Variants in HNRNPA3 observed in about 807,000 individuals in gnomAD.
HNRNPA3 encodes the protein heterogeneous nuclear ribonucleoprotein A3.
Under a neutral mutation model 45.8 loss-of-function variants are expected in HNRNPA3, and 3 were observed. The observed-to-expected ratio is 0.07, with a 90% confidence interval of 0.03 to 0.17. The LOEUF (loss-of-function observed/expected upper bound fraction) is 0.17, where lower values mean the gene tolerates loss of function less well. Among genes scored for constraint, HNRNPA3 ranks in the 10% least tolerant of loss-of-function variants. The pLI is 1.00. For synonymous variants in HNRNPA3, 170 were observed against 155.6 expected (o/e 1.09, Z -0.69); for missense variants, 183 against 480.3 (o/e 0.38, Z 5.79).
rs139655151 is a variant in HNRNPA3 at position 177,215,486 on chromosome 2, A to C, written c.73-53A>C. On this transcript the variant is annotated intron_variant, in intron 1 of 10. Coordinates refer to ENST00000392524, the Ensembl canonical transcript of HNRNPA3. ...ACCGTACATTAAAGGCTCTTCGTGCATCTTAATTCATCTACTGTAAGGTAA... is the reference window on the plus strand; with the variant it reads ...ACCGTACATTAAAGGCTCTTCGTGCCTCTTAATTCATCTACTGTAAGGTAA... The C allele has an allele frequency of 4.6e-4, 723 of 1,570,388 alleles. 5 individuals carry two copies. The African/African-American group carries it at 7.6e-3, about 17-fold the overall frequency.
intron 7 of HNRNPA3, 44 bp from the exon 8 acceptor site, chr2:177,217,660 TA>T (rs753110495): frequency 6.2e-7 from 1 of 1,609,904 alleles, no homozygotes; most frequent in Non-Finnish European, 8.5e-7. Flanking sequence ...AACGTGACTA[TA>T]CACTTAAGTT....
chr2:177,214,631 T>TA (rs902621708), intron 1 of HNRNPA3, among the ~76,000 whole-genome samples: 4 of 152,110 alleles, frequency 2.6e-5, no homozygotes, highest in Non-Finnish European at 5.9e-5. Context: ...CCGTCTCTAC[T>TA]AAAAATACAA....
exon 10 of HNRNPA3, chr2:177,219,313 G>T (rs1689090345): frequency 2.5e-6 from 4 of 1,605,764 alleles, no homozygotes; most frequent in Non-Finnish European, 3.4e-6. Flanking sequence ...CAGCAGAAAA[G>T]GGTAGGTATC....
exon 9 of HNRNPA3, chr2:177,219,116 A>G (rs770757997): frequency 2.0e-5 from 32 of 1,614,038 alleles, no homozygotes; most frequent in Non-Finnish European, 2.6e-5. Context: ...GACCCATGAA[A>G]GGGGGCAGTT....
At chr2:177,223,432 C>T (rs557750020), downstream of HNRNPA3, 14 of 152,010 alleles carry the variant, frequency 9.2e-5, no homozygotes, top group African/African-American at 3.4e-4. Flanking sequence ...GTGATTGGGG[C>T]AGATTTAACT....
downstream of HNRNPA3, chr2:177,222,023 T>G (rs909653843): frequency 2.6e-5 from 4 of 152,660 alleles, no homozygotes; most frequent in African/African-American, 9.6e-5. Context: ...AGTAATTTTT[T>G]GTAAAGCAAG....
chr2:177,212,898 T>G, intron 1 of HNRNPA3, 27 bp downstream of exon 1: 9 of 1,360,208 alleles, frequency 6.6e-6, no homozygotes, highest in Middle Eastern at 2.6e-4. Flanking sequence ...GGGGGGTTGG[T>G]GGGGAATGGC....
intron 1 of HNRNPA3, among the ~76,000 whole-genome samples, chr2:177,215,179 C>T (rs3109080): frequency 0.92 from 139,611 of 152,138 alleles, 64,144 homozygotes; most frequent in African/African-American, 0.95. Context: ...CTTGGCTCAC[C>T]GCAACCTCCG....
chr2:177,214,149 T>C (rs1329921958), intron 1 of HNRNPA3, among the ~76,000 whole-genome samples: 1 of 152,190 alleles, frequency 6.6e-6, no homozygotes, highest in Non-Finnish European at 1.5e-5. Context: ...TGTTAAAAAG[T>C]CTTGACTAAA....
At chr2:177,223,637 C>A (rs1001828779), downstream of HNRNPA3, 1 of 152,096 alleles carries the variant, frequency 6.6e-6, no homozygotes, top group African/African-American at 2.4e-5. Flanking sequence ...CTTGGGAGTT[C>A]CAGTAATGTC....
At chr2:177,213,573 A>G (rs1688785271) in intron 1 of HNRNPA3, among the ~76,000 whole-genome samples, 1 of 152,184 alleles carries the variant, frequency 6.6e-6, no homozygotes, top group Non-Finnish European at 1.5e-5. Context: ...ACTTCCTGAT[A>G]TATTTTTGCT....
exon 5 of HNRNPA3, chr2:177,216,567 G>A (rs1688947729): frequency 6.2e-7 from 1 of 1,614,034 alleles, no homozygotes; most frequent in Admixed American, 1.7e-5. Flanking sequence ...CTAAACAAGA[G>A]ATGCAGTCTG....
intron 1 of HNRNPA3, among the ~76,000 whole-genome samples, chr2:177,214,880 C>T (rs1283116266): frequency 7.9e-5 from 12 of 152,154 alleles, no homozygotes; most frequent in Admixed American, 7.9e-4. Flanking sequence ...CACTGCTTCT[C>T]CAACAGTTTA....
chr2:177,220,366 T>G (rs1448426415), downstream of HNRNPA3: 2 of 153,978 alleles, frequency 1.3e-5, no homozygotes, highest in African/African-American at 4.8e-5. Context: ...TAAAAACTTT[T>G]GAAAATATAG....
chr2:177,220,031 C>T (rs578016014), exon 11 of HNRNPA3: 2 of 152,536 alleles, frequency 1.3e-5, no homozygotes, highest in Admixed American at 1.3e-4. Flanking sequence ...TGTGTGTTTG[C>T]AATGTGTGTT....
intron 1 of HNRNPA3, among the ~76,000 whole-genome samples, chr2:177,214,153 G>C (rs1688818715): frequency 6.6e-6 from 1 of 152,194 alleles, no homozygotes; most frequent in African/African-American, 2.4e-5. Context: ...AAAAAGTCTT[G>C]ACTAAAGTAT....
chr2:177,213,125 C>CT (rs901252341), intron 1 of HNRNPA3, among the ~76,000 whole-genome samples: 8 of 151,438 alleles, frequency 5.3e-5, no homozygotes, highest in African/African-American at 1.9e-4. Context: ...GGAAGCCGGC[C>CT]TGCCGGCTGC....
At chr2:177,217,890 G>T (rs1558970443) in intron 8 of HNRNPA3, 45 bp downstream of exon 8, 4 of 1,483,320 alleles carry the variant, frequency 2.7e-6, no homozygotes, top group Non-Finnish European at 3.6e-6. Context: ...ATTCAGTGTT[G>T]CTAACAGTTC....
At chr2:177,218,043 C>CTCTTTTT (rs1418168015) in intron 8 of HNRNPA3, among the ~76,000 whole-genome samples, 198 bp downstream of exon 8, 1 of 127,224 alleles carries the variant, frequency 7.9e-6, no homozygotes, top group African/African-American at 3.0e-5. Context: ...GTACTCAGCT[C>CTCTTTTT]TCTTTTTTCT....
Sources: gnomAD v4.1 joint callset for allele counts (sites outside exome capture counted in the v4.1 genomes callset) on GRCh38, gnomAD v4.1.1 for gene constraint, MANE v1.5 for transcripts, NCBI Gene and HGNC (gene_info 2026-07-23, HGNC 2026-07-21) for gene names.